Variants in DIAPH3 observed in about 807,000 individuals in gnomAD.
The protein encoded by DIAPH3 is protein diaphanous homolog 3.
A neutral mutation model predicts 144.3 loss-of-function variants in DIAPH3; 117 were observed. The observed-to-expected ratio is 0.81, with a 90% confidence interval of 0.70 to 0.95. The LOEUF is 0.95. DIAPH3 is among the 40% of genes least tolerant of loss of function. DIAPH3 has a pLI of 0.00. For missense variants in DIAPH3, 1,421 were observed against 1,412.7 expected, an observed-to-expected ratio of 1.01 and a Z score of -0.09; for synonymous variants, 519 against 488.9, an observed-to-expected ratio of 1.06 and a Z score of -0.81.
intron 27 of DIAPH3, among the ~76,000 whole-genome samples, chr13:59,713,241 T>G (rs1316435619): frequency 6.6e-6 from 1 of 151,652 alleles, no homozygotes; most frequent in African/African-American, 2.4e-5. Context: ...TCTGAAGGTT[T>G]TTTTTTTTTT....
intron 27 of DIAPH3, among the ~76,000 whole-genome samples, chr13:59,672,808 CTT>C (rs1273216044): frequency 6.6e-6 from 1 of 152,076 alleles, no homozygotes; most frequent in Non-Finnish European, 1.5e-5. Flanking sequence ...TAGTTAAAAT[CTT>C]TTAGGGGTGC....
chr13:59,836,397 G>A (rs2042046703), intron 23 of DIAPH3, among the ~76,000 whole-genome samples: 2 of 151,766 alleles, frequency 1.3e-5, no homozygotes, highest in African/African-American at 4.8e-5. Flanking sequence ...TTTCAAGCAA[G>A]TAGTTACTGT....
intron 20 of DIAPH3, among the ~76,000 whole-genome samples, chr13:59,905,415 A>G (rs2046683794): frequency 6.6e-6 from 1 of 151,426 alleles, no homozygotes; most frequent in African/African-American, 2.4e-5. Context: ...GACAGTAACT[A>G]GCAAGATTAA....
chr13:60,105,102 A>AAAAAAAAAAC lies in DIAPH3; in HGVS notation c.390+6907_390+6908insGTTTTTTTTT, dbSNP rs1479131840. 8.2e-3 allele frequency among the ~76,000 whole-genome samples: 938 copies of AAAAAAAAAAC among 114,868 alleles called. 70 individuals carry two copies. Among genetic ancestry groups the AAAAAAAAAAC allele is most frequent in the African/African-American group, 0.019 (554 of 29,258 alleles). 75.4% of individuals were successfully genotyped at this position (114,868 alleles called of 152,430 possible). On this transcript the variant is annotated intron_variant, in intron 3 of 27. Transcript: ENST00000400324. ...GCGACAAAGTGAGACACGATCTCAAAAAAAAAAAAAAAAAAAAAAAAAACT... is the reference window on the plus strand; with the variant it reads ...GCGACAAAGTGAGACACGATCTCAAAAAAAAAAAACAAAAAAAAAAAAAAAAAAAAAAACT...
At chr13:60,089,261 T>A (rs2057851547) in intron 4 of DIAPH3, among the ~76,000 whole-genome samples, 2 of 152,294 alleles carry the variant, frequency 1.3e-5, no homozygotes, top group East Asian at 3.9e-4. Flanking sequence ...GGATATATCT[T>A]CCATGCTTGG....
At chr13:59,841,310 G>T (rs950252443) in intron 22 of DIAPH3, among the ~76,000 whole-genome samples, 1 of 152,070 alleles carries the variant, frequency 6.6e-6, no homozygotes, top group Non-Finnish European at 1.5e-5. Flanking sequence ...TCAAAAGCAA[G>T]CTGGGCATGG....
intron 21 of DIAPH3, among the ~76,000 whole-genome samples, chr13:59,874,038 A>C (rs1482730153): frequency 6.6e-6 from 1 of 151,972 alleles, no homozygotes; most frequent in Non-Finnish European, 1.5e-5. Context: ...GTGTTGGTTA[A>C]TTTTCATTTT....
At position 59,744,376 on chromosome 13, in the gene DIAPH3, G is replaced by A. The variant is rs374995882; in HGVS notation, c.3319+29813C>T. 2.5e-4 allele frequency among the ~76,000 whole-genome samples: 38 copies of A among 152,270 alleles called. 1 individual carries two copies. In the South Asian group the frequency reaches 7.9e-3, roughly 32 times the overall value. On this transcript the variant is annotated intron_variant, in intron 27 of 27. Transcript: ENST00000400324. Reference sequence around the variant, plus strand: ...GCTGGGTATTCTGTTAGGCATTAGGGAATCAACGATGAAGAAGATGGTCTC... The same window carrying A: ...GCTGGGTATTCTGTTAGGCATTAGGAAATCAACGATGAAGAAGATGGTCTC...
intron 15 of DIAPH3, among the ~76,000 whole-genome samples, chr13:59,972,454 T>A (rs1264423118): frequency 1.3e-5 from 2 of 152,174 alleles, no homozygotes; most frequent in East Asian, 3.8e-4. Context: ...TAACATTTAA[T>A]AAATGTTACA....
At chr13:59,940,032 C>T (rs989738538) in intron 17 of DIAPH3, among the ~76,000 whole-genome samples, 4 of 152,018 alleles carry the variant, frequency 2.6e-5, no homozygotes, top group African/African-American at 9.7e-5. Flanking sequence ...TAAAGTTAGG[C>T]TACTTATAAA....
intron 25 of DIAPH3, among the ~76,000 whole-genome samples, chr13:59,788,944 G>T (rs1348968312): frequency 6.6e-6 from 1 of 152,182 alleles, no homozygotes; most frequent in African/African-American, 2.4e-5. Flanking sequence ...TTGCATGTAA[G>T]TATTCAAGTA....
chr13:60,136,872 G>A (rs987123807), intron 1 of DIAPH3, among the ~76,000 whole-genome samples: 23 of 151,950 alleles, frequency 1.5e-4, no homozygotes, highest in African/African-American at 4.1e-4. Context: ...CCCGGGAGGC[G>A]GAGCTTGCAG....
Position 60,045,353 on chromosome 13 carries a change from A to C in DIAPH3, c.496-2533T>G, listed in dbSNP as rs1363397271. Reference sequence around the variant, plus strand: ...GAAACTCCGTCTCAAAAAAAAAATAAAAATAAAAATAAATAAATTACCCAG... The same window carrying C: ...GAAACTCCGTCTCAAAAAAAAAATACAAATAAAAATAAATAAATTACCCAG... On this transcript the variant is annotated intron_variant, in intron 4 of 27. Transcript: ENST00000400324. Among the ~76,000 whole-genome samples the C allele has an allele frequency of 2.0e-5, 3 of 152,148 alleles. No homozygotes were observed. In the East Asian group the frequency reaches 5.8e-4, roughly 29 times the overall value.
intron 21 of DIAPH3, among the ~76,000 whole-genome samples, chr13:59,869,594 G>C (rs1271198485): frequency 2.0e-5 from 3 of 152,154 alleles, no homozygotes; most frequent in African/African-American, 7.2e-5. Context: ...GACGATTAAG[G>C]ATGTTGCATC....
Position 59,824,884 on chromosome 13 carries a change from A to C in DIAPH3, c.3027+8223T>G, listed in dbSNP as rs375509354. 1.1e-4 allele frequency among the ~76,000 whole-genome samples: 16 copies of C among 152,182 alleles called. No homozygotes were observed. The East Asian group carries it at 2.1e-3, about 20-fold the overall frequency. ...AAGAAGTGTAGTGGCCTTTTTCAGT[A>C]CTTTAAAATCCCATCGGGAAATGTT... On this transcript the variant is annotated intron_variant, in intron 24 of 27. Transcript: ENST00000400324.
rs141881189 is a variant in DIAPH3 at position 59,954,053 on chromosome 13, G to A, written c.2074+15891C>T. ...ACACCAAGGTCCATTCCATACCAAT[G>A]CATAAGGTCCTTCAAGATGCACCTA... is the stretch of plus-strand genomic sequence containing the variant. On this transcript the variant is annotated intron_variant, in intron 17 of 27. Coordinates refer to ENST00000400324, the MANE Select transcript of DIAPH3 (RefSeq NM_001042517.2). Among the ~76,000 whole-genome samples the A allele has an allele frequency of 4.7e-3, 714 of 152,226 alleles. 3 individuals are homozygous for A. The highest frequency in any genetic ancestry group is 0.026 in the South Asian group (126 of 4,828).
Position 59,839,323 on chromosome 13 carries a change from T to G in DIAPH3, c.2862+1A>C. The G allele has an allele frequency of 6.2e-7, 1 of 1,613,384 alleles. No homozygotes were observed. Among genetic ancestry groups the G allele is most frequent in the Non-Finnish European group, 8.5e-7 (1 of 1,179,606 alleles). ...AAGTTATTTAGCTATCAAAAGGATA[T>G]GGACATCTTTGTCACAAACTTGTCA... is the stretch of plus-strand genomic sequence containing the variant. On this transcript the variant is annotated splice_donor_variant, in intron 23 of 27. Transcript: ENST00000400324. LOFTEE classifies it high-confidence loss of function.
rs1159132273 is a variant in DIAPH3 at position 59,666,692 on chromosome 13, A to G, written c.3474T>C (p.Cys1158=). 1 of 1,614,140 alleles carries G rather than the reference A, an allele frequency of 6.2e-7. No individual in the cohort carries two copies. Among genetic ancestry groups the G allele is most frequent in the Non-Finnish European group, 8.5e-7 (1 of 1,180,008 alleles). The change falls in exon 28 of 28, where the codon TGT becomes TGC. Residue 1158 remains cysteine (C), a synonymous_variant. Transcript: ENST00000400324. ...RIKAAEKKEA[C]NVESNRKKET... ...CCTTTTTTCTGTTGCTTTCTACATT[A>G]CACGCTTCCTTCTTCTCAGCTGCCT...
intron 27 of DIAPH3, among the ~76,000 whole-genome samples, chr13:59,737,187 G>A (rs1316493886): frequency 1.3e-5 from 2 of 152,092 alleles, no homozygotes; most frequent in Middle Eastern, 3.2e-3. Context: ...CACAGCCAAA[G>A]AAACTATCAA....
Sources: allele counts gnomAD v4.1 joint callset (sites outside exome capture counted in the v4.1 genomes callset), GRCh38; gene constraint gnomAD v4.1.1; transcripts MANE v1.5; gene names NCBI Gene and HGNC (gene_info 2026-07-23, HGNC 2026-07-21).